Variants in SH3D19 observed in about 807,000 individuals in gnomAD.
SH3D19 encodes SH3 domain-containing protein 19.
Under a neutral mutation model 112.1 loss-of-function variants are expected in SH3D19, and 58 were observed. The observed-to-expected ratio is 0.52, with a 90% CI of 0.42 to 0.64. The LOEUF is 0.64. SH3D19 is among the 30% of genes least tolerant of loss of function. The pLI is 0.00. For missense variants in SH3D19, 1,090 were observed against 1,263.4 expected, an observed-to-expected ratio of 0.86 and a Z score of 2.08; for synonymous variants, 391 against 448.5, an observed-to-expected ratio of 0.87 and a Z score of 1.62.
At chr4:151,257,091 G>C (rs944008721) in intron 1 of SH3D19, among the ~76,000 whole-genome samples, 1 of 151,362 alleles carries the variant, frequency 6.6e-6, no homozygotes, top group Non-Finnish European at 1.5e-5. Context: ...TTGTTTGTTT[G>C]TTTATTTATT....
Position 151,187,422 on chromosome 4 carries a change from C to T in SH3D19, c.193+1G>A, listed in dbSNP as rs1044291301. ...TACAGAGAAGGAAAAAACAAACTTA[C>T]ATCTCTTGATTACCGCTCTAATGGA... is the stretch of plus-strand genomic sequence containing the variant. On this transcript the variant is annotated splice_donor_variant, in intron 3 of 19. Transcript: ENST00000604030. LOFTEE classifies it high-confidence loss of function. The T allele has an allele frequency of 8.1e-6, 10 of 1,227,002 alleles. No individual in the cohort carries two copies. Among genetic ancestry groups the T allele is most frequent in the African/African-American group, 1.6e-5 (1 of 64,342 alleles). 76.0% of individuals were successfully genotyped at this position (1,227,002 alleles called of 1,614,324 possible). A position where few individuals can be genotyped will look rare whatever the true frequency, so the allele number is the denominator to read the frequency against.
At chr4:151,283,604 A>G (rs1774463711) in intron 1 of SH3D19, among the ~76,000 whole-genome samples, 1 of 147,856 alleles carries the variant, frequency 6.8e-6, no homozygotes, top group African/African-American at 2.5e-5. Flanking sequence ...TACAGCCTCC[A>G]GCTCCTGGGT....
chr4:151,213,806 C>A (rs538243929), intron 2 of SH3D19, among the ~76,000 whole-genome samples: 6 of 151,918 alleles, frequency 3.9e-5, no homozygotes, highest in African/African-American at 1.4e-4. Flanking sequence ...CCTGCCTCAG[C>A]CTCCTGAGTA....
rs1040459564 is a variant in SH3D19, at chr4:151,161,260, C to T, written c.1643-1908G>A. 2.0e-5 allele frequency among the ~76,000 whole-genome samples: 3 copies of T among 152,118 alleles called. No homozygotes were observed. The South Asian group carries it at 6.2e-4, about 32-fold the overall frequency. On this transcript the variant is annotated intron_variant, in intron 8 of 19. Transcript: ENST00000604030. ...CAACCTGGTCAGAAGAAACAGGCCC[C>T]GGGGAAAGGAGCTGACAGGTTCAAA... is the stretch of plus-strand genomic sequence containing the variant.
At chr4:151,145,842 T>A (rs911665756) in intron 11 of SH3D19, among the ~76,000 whole-genome samples, 13 of 152,222 alleles carry the variant, frequency 8.5e-5, no homozygotes, top group African/African-American at 1.2e-4. Flanking sequence ...GCATGTTACT[T>A]TATGTCTCTG....
At chr4:151,229,401 G>A (rs1769414016) in intron 1 of SH3D19, among the ~76,000 whole-genome samples, 1 of 152,152 alleles carries the variant, frequency 6.6e-6, no homozygotes. Flanking sequence ...GCCCAGCAGA[G>A]CATGATGGTT....
Position 151,325,550 on chromosome 4 carries a change from G to T in SH3D19, c.-198C>A, listed in dbSNP as rs1352332681. On this transcript the variant is annotated 5_prime_UTR_variant, in exon 1 of 20. Transcript: ENST00000604030. The stretch of plus-strand genomic sequence containing the variant: ...GCAGCCGGCCGGGCAGCGGCAGGGC[G>T]CGGGCCGAGCCGATTCCCCGCCTCC... 1 of 291,420 alleles carries T rather than the reference G, an allele frequency of 3.4e-6. No individual in the cohort carries two copies. The allele number at this position is 291,420 out of a possible 1,614,324, so 18.1% of individuals were successfully genotyped here.
intron 3 of SH3D19, among the ~76,000 whole-genome samples, chr4:151,184,508 TA>T (rs1000644258): frequency 3.3e-5 from 5 of 152,266 alleles, no homozygotes; most frequent in African/African-American, 1.2e-4. Context: ...ACAGAAGAAT[TA>T]AAAGACAACT....
chr4:151,302,591 C>T lies in SH3D19; in HGVS notation c.112+22650G>A, dbSNP rs149595057. 8.5e-4 allele frequency among the ~76,000 whole-genome samples: 129 copies of T among 151,222 alleles called. 1 individual carries two copies. The East Asian group carries it at 0.021, about 25-fold the overall frequency. On this transcript the variant is annotated intron_variant, in intron 1 of 19. Transcript: ENST00000604030. Reference sequence around the variant, plus strand: ...CTTGCAGACCACGTGGACTTTGTTGCAATGACTCAACTCTGCAGATGTAGG... The same window carrying T: ...CTTGCAGACCACGTGGACTTTGTTGTAATGACTCAACTCTGCAGATGTAGG...
intron 15 of SH3D19, among the ~76,000 whole-genome samples, chr4:151,134,114 G>A (rs74604921): frequency 0.025 from 3,810 of 152,286 alleles, 78 homozygotes; most frequent in East Asian, 0.089. Flanking sequence ...CTGAGACACA[G>A]TATATGCTGC....
At chr4:151,194,055 C>T (rs1445568706) in intron 2 of SH3D19, among the ~76,000 whole-genome samples, 1 of 122,216 alleles carries the variant, frequency 8.2e-6, no homozygotes, top group Non-Finnish European at 1.6e-5. Context: ...TTTGGTCACT[C>T]AGCTCTGTCA....
intron 6 of SH3D19, 45 bp from the exon 7 acceptor site, chr4:151,175,719 A>G (rs1759835311): frequency 8.1e-7 from 1 of 1,238,660 alleles, no homozygotes; most frequent in Non-Finnish European, 1.0e-6. Flanking sequence ...AACAAGCCAT[A>G]ACGTTAACAA....
chr4:151,144,036 A>C lies in SH3D19; in HGVS notation c.2097T>G (p.Leu699=). 1 of 1,613,996 alleles carries C rather than the reference A, an allele frequency of 6.2e-7. No individual in the cohort carries two copies. The highest frequency in any genetic ancestry group is 8.5e-7 in the Non-Finnish European group (1 of 1,179,974). ...LYSKYMRGDV[L]VMLKQTENNY... is the part of the protein sequence containing the mutation. ...TATTTTCCGTCTGCTTCAGCATCAC[A>C]AGTACATCCCCACGCTGCAAGGTAC... is the stretch of plus-strand genomic sequence containing the variant. The change falls in exon 12 of 20, where the codon CTT becomes CTG. Residue 699 remains leucine, a synonymous_variant. Transcript: ENST00000604030.
At chr4:151,224,124 A>G (rs533413632) in intron 2 of SH3D19, among the ~76,000 whole-genome samples, 43 of 152,302 alleles carry the variant, frequency 2.8e-4, no homozygotes, top group Non-Finnish European at 7.4e-5. Context: ...CCTGGCTAAC[A>G]TGGTGAAACC....
In SH3D19 at chr4:151,182,195, C is replaced by T. The variant is rs540084344; in HGVS notation, c.194-2798G>A. On this transcript the variant is annotated intron_variant, in intron 3 of 19. Transcript: ENST00000604030. ...GTAGAAACGGGGTTTTGCTATGCTG[C>T]CCAGACTGGTCTCGACTTCCTGACC... Among the ~76,000 whole-genome samples the T allele has an allele frequency of 1.1e-4, 16 of 152,164 alleles. No homozygotes were observed. In the South Asian group the frequency reaches 3.3e-3, roughly 32 times the overall value.
chr4:151,252,346 G>C (rs1356247206), intron 1 of SH3D19, among the ~76,000 whole-genome samples: 2 of 152,136 alleles, frequency 1.3e-5, no homozygotes, highest in Admixed American at 6.5e-5. Flanking sequence ...TCTTGAGCCT[G>C]TTCCATGATG....
At chr4:151,148,439 T>C (rs910597568) in intron 10 of SH3D19, among the ~76,000 whole-genome samples, 4 of 152,180 alleles carry the variant, frequency 2.6e-5, no homozygotes, top group African/African-American at 9.7e-5. Context: ...AGAGATTCAT[T>C]AGTTCAAGAC....
At chr4:151,235,054 A>C (rs149498545) in intron 1 of SH3D19, among the ~76,000 whole-genome samples, 1 of 151,930 alleles carries the variant, frequency 6.6e-6, no homozygotes, top group Non-Finnish European at 1.5e-5. Flanking sequence ...CCAGCCTCCA[A>C]CTTTTATTTT....
At chr4:151,316,686 G>C (rs1205146678) in intron 1 of SH3D19, among the ~76,000 whole-genome samples, 1 of 151,626 alleles carries the variant, frequency 6.6e-6, no homozygotes, top group Non-Finnish European at 1.5e-5. Flanking sequence ...AGAAAAAAAA[G>C]GAAAATAATG....
Sources: gnomAD v4.1 joint callset for allele counts (sites outside exome capture counted in the v4.1 genomes callset) on GRCh38, gnomAD v4.1.1 for gene constraint, MANE v1.5 for transcripts, NCBI Gene and HGNC (gene_info 2026-07-23, HGNC 2026-07-21) for gene names.